The following LINGO2 variants were observed in gnomAD, a reference collection of about 807,000 sequenced individuals.
LINGO2 encodes leucine rich repeat and Ig domain containing 2, also known as leucine-rich repeat and immunoglobulin-like domain-containing nogo receptor-interacting protein 2.
LINGO2 carries 14 observed loss-of-function variants against 30.6 expected under a neutral mutation model. The ratio of observed to expected loss-of-function variants is 0.46; its 90% CI spans 0.30 to 0.72. LINGO2 has a LOEUF of 0.72. Among genes scored for constraint, LINGO2 ranks in the 30% least tolerant of loss-of-function variants. LINGO2 has a pLI of 0.07. For synonymous variants in LINGO2, 317 were observed against 288.5 expected, an observed-to-expected ratio of 1.10 and a Z score of -1.00; for missense variants, 729 against 751.7, an observed-to-expected ratio of 0.97 and a Z score of 0.35.
chr9:28,499,814 C>T (rs1252730326), intron 1 of LINGO2, among the ~76,000 whole-genome samples: 2 of 152,152 alleles, frequency 1.3e-5, no homozygotes, highest in Admixed American at 6.5e-5. Flanking sequence ...CCTACAATCC[C>T]ATTTCTCACA....
chr9:28,035,786 G>GA lies in LINGO2; in HGVS notation c.-86-23382dup, dbSNP rs370473739. Reference sequence around the variant, plus strand: ...GTTATGTATTTTATGTATTTTAGTAGAAAGGTGCTGTATGAATGTGAAAGC... The same window carrying GA: ...GTTATGTATTTTATGTATTTTAGTAGAAAAGGTGCTGTATGAATGTGAAAGC... On this transcript the variant is annotated intron_variant, in intron 4 of 5. Coordinates refer to ENST00000379992, the Ensembl canonical transcript of LINGO2. Among the ~76,000 whole-genome samples, 301 of 152,258 alleles carry GA rather than the reference G, an allele frequency of 2.0e-3. 1 individual carries two copies. Among genetic ancestry groups the GA allele is most frequent in the African/African-American group, 6.5e-3 (271 of 41,542 alleles).
intron 1 of LINGO2, among the ~76,000 whole-genome samples, chr9:28,519,861 G>A (rs1162099993): frequency 6.6e-6 from 1 of 152,054 alleles, no homozygotes; most frequent in Admixed American, 6.6e-5. Flanking sequence ...TTTTTGCCCA[G>A]CCCTTGATCC....
the LINGO2 span, among the ~76,000 whole-genome samples, chr9:29,204,295 T>A: frequency 1.3e-5 from 2 of 152,234 alleles, no homozygotes; most frequent in Non-Finnish European, 2.9e-5. Flanking sequence ...AATCTTTCTA[T>A]CTTTCAAACT....
intron 1 of LINGO2, among the ~76,000 whole-genome samples, chr9:28,558,580 C>G (rs1259257766): frequency 6.6e-6 from 1 of 152,014 alleles, no homozygotes; most frequent in Non-Finnish European, 1.5e-5. Context: ...TCTAACTGTT[C>G]AAGAGACTCC....
At chr9:28,840,621 T>C in the LINGO2 span, among the ~76,000 whole-genome samples, 1 of 151,890 alleles carries the variant, frequency 6.6e-6, no homozygotes, top group Non-Finnish European at 1.5e-5. Context: ...TGGGACACAA[T>C]GTTAGGAACT....
chr9:28,349,025 T>C (rs1470287692), intron 3 of LINGO2, among the ~76,000 whole-genome samples: 2 of 149,790 alleles, frequency 1.3e-5, no homozygotes, highest in African/African-American at 4.9e-5. Context: ...AGACCAAAAG[T>C]AGATAAAACC....
At chr9:27,983,197 G>T (rs942434365) in intron 5 of LINGO2, among the ~76,000 whole-genome samples, 1 of 152,006 alleles carries the variant, frequency 6.6e-6, no homozygotes, top group East Asian at 1.9e-4. Flanking sequence ...TATGTGAAAT[G>T]CATGCATCTT....
intron 2 of LINGO2, among the ~76,000 whole-genome samples, chr9:28,399,813 T>C: frequency 6.6e-6 from 1 of 152,334 alleles, no homozygotes; most frequent in South Asian, 2.1e-4. Flanking sequence ...ATGTTCATTC[T>C]ATTTTCAGTT....
chr9:28,130,240 T>C lies in LINGO2; in HGVS notation c.-86-117835A>G, dbSNP rs1827346279. 6.6e-6 allele frequency among the ~76,000 whole-genome samples: 1 copy of C among 152,220 alleles called. No homozygotes were observed. The highest frequency in any genetic ancestry group is 2.4e-5 in the African/African-American group (1 of 41,452). On this transcript the variant is annotated intron_variant, in intron 4 of 5. Coordinates refer to ENST00000379992, the Ensembl canonical transcript of LINGO2. This position sits in a 1 kb window ranked among gnomAD's most constrained non-coding sequence, Gnocchi z 5.2. The stretch of plus-strand genomic sequence containing the variant: ...ACACACTTCATCAGATTTTGAAACT[T>C]GCTGCTTATTTTCTGATTCAATTGT...
At chr9:28,537,561 GT>G (rs1821490436) in intron 1 of LINGO2, among the ~76,000 whole-genome samples, 3 of 151,708 alleles carry the variant, frequency 2.0e-5, no homozygotes, top group African/African-American at 7.3e-5. Context: ...AAAAAAAAAT[GT>G]TTTAAAGAGA....
At chr9:28,923,555 G>C in the LINGO2 span, among the ~76,000 whole-genome samples, 5 of 152,146 alleles carry the variant, frequency 3.3e-5, no homozygotes, top group Admixed American at 2.0e-4. Flanking sequence ...TTTGGGACTT[G>C]GTTTGGCATG....
chr9:28,909,028 A>T, the LINGO2 span, among the ~76,000 whole-genome samples: 3 of 151,950 alleles, frequency 2.0e-5, no homozygotes, highest in African/African-American at 7.2e-5. Context: ...CAGGAATAAG[A>T]AACAAACAAA....
At chr9:28,848,263 G>A in the LINGO2 span, among the ~76,000 whole-genome samples, 982 of 89,394 alleles carry the variant, frequency 0.011, 50 homozygotes, top group African/African-American at 0.06. Flanking sequence ...CATATATAGT[G>A]TATATATACT....
chr9:28,981,300 T>C, the LINGO2 span, among the ~76,000 whole-genome samples: 2 of 152,106 alleles, frequency 1.3e-5, no homozygotes, highest in African/African-American at 4.8e-5. Flanking sequence ...GATCTCAGAC[T>C]TCTGCTTTCA....
At chr9:28,869,281 T>G in the LINGO2 span, among the ~76,000 whole-genome samples, 864 of 152,146 alleles carry the variant, frequency 5.7e-3, 11 homozygotes, top group African/African-American at 0.02. Flanking sequence ...ATATTTCCAG[T>G]ACAGCCATAA....
the LINGO2 span, among the ~76,000 whole-genome samples, chr9:29,123,491 C>T: frequency 6.6e-6 from 1 of 151,660 alleles, no homozygotes; most frequent in African/African-American, 2.4e-5. Context: ...CTTTAATAAG[C>T]TTTTAAATAA....
chr9:28,627,101 T>C (rs1406860077), intron 1 of LINGO2, among the ~76,000 whole-genome samples: 2 of 152,042 alleles, frequency 1.3e-5, no homozygotes, highest in South Asian at 2.1e-4. Context: ...AATTAATAAA[T>C]TTTGGATAAA....
At chr9:28,861,108 A>C in the LINGO2 span, among the ~76,000 whole-genome samples, 3 of 120,118 alleles carry the variant, frequency 2.5e-5, no homozygotes, top group Non-Finnish European at 4.9e-5. Context: ...AATATATAAA[A>C]TATATTTATA....
the LINGO2 span, among the ~76,000 whole-genome samples, chr9:28,774,033 CTTTT>C: frequency 8.0e-6 from 1 of 125,752 alleles, no homozygotes; most frequent in African/African-American, 2.8e-5. Context: ...ATGTCATTTT[CTTTT>C]TGATACACAC....
Sources: gnomAD v4.1 joint callset for allele counts (sites outside exome capture counted in the v4.1 genomes callset) on GRCh38, gnomAD v4.1.1 for gene constraint, Gnocchi (gnomAD v3.1) non-coding constraint, MANE v1.5 for transcripts, NCBI Gene and HGNC (gene_info 2026-07-23, HGNC 2026-07-21) for gene names.